Variants in CPED1 observed in about 807,000 individuals in gnomAD.
CPED1 encodes the protein cadherin-like and PC-esterase domain-containing protein 1.
Under a neutral mutation model 128.2 loss-of-function variants are expected in CPED1, and 114 were observed. The observed-to-expected ratio is 0.89, with a 90% confidence interval of 0.76 to 1.04. CPED1 has a LOEUF of 1.04. Among genes scored for constraint, CPED1 ranks in the 50% least tolerant of loss-of-function variants. CPED1 has a pLI of 0.00. For missense variants in CPED1, 1,211 were observed against 1,207.1 expected (o/e 1.00, Z -0.05); for synonymous variants, 462 against 426.7 (o/e 1.08, Z -1.02).
At chr7:121,133,293 A>G (rs1016753816) in intron 12 of CPED1, among the ~76,000 whole-genome samples, 8 of 152,120 alleles carry the variant, frequency 5.3e-5, no homozygotes, top group Non-Finnish European at 1.0e-4. Flanking sequence ...AGTTAGTTAT[A>G]CAACAGAGAA....
intron 3 of CPED1, among the ~76,000 whole-genome samples, chr7:121,024,058 T>A (rs1792506971): frequency 6.6e-6 from 1 of 152,142 alleles, no homozygotes; most frequent in African/African-American, 2.4e-5. Flanking sequence ...ACTGCACTAT[T>A]CTATTTTACT....
At chr7:121,130,383 G>A (rs34320754) in intron 12 of CPED1, 89 bp downstream of exon 12, 386,861 of 1,062,612 alleles carry the variant, frequency 0.36, 73,278 homozygotes, top group Middle Eastern at 0.46. Context: ...GTTAAAGCAA[G>A]CAGCAACAAC....
chr7:121,063,856 TGAA>T (rs1250082525), intron 4 of CPED1, among the ~76,000 whole-genome samples: 1 of 152,178 alleles, frequency 6.6e-6, no homozygotes, highest in Admixed American at 6.5e-5. Context: ...CAGTATGAAG[TGAA>T]GAATGTTTAT....
At chr7:121,031,794 A>G (rs949332330) in intron 3 of CPED1, among the ~76,000 whole-genome samples, 22 of 152,364 alleles carry the variant, frequency 1.4e-4, no homozygotes, top group Middle Eastern at 3.4e-3. Context: ...TATTGACTAA[A>G]TACATTTAAA....
chr7:121,024,409 G>T (rs1792517406), intron 3 of CPED1, among the ~76,000 whole-genome samples: 1 of 152,102 alleles, frequency 6.6e-6, no homozygotes, highest in South Asian at 2.1e-4. Flanking sequence ...CCTTAAATGG[G>T]TTAGCTCTTA....
At chr7:121,114,803 T>TTGGG (rs1430155448) in intron 7 of CPED1, among the ~76,000 whole-genome samples, 2 of 152,238 alleles carry the variant, frequency 1.3e-5, no homozygotes, top group Admixed American at 6.5e-5. Flanking sequence ...AGTTTAAGAA[T>TTGGG]TGGGTGTATC....
chr7:121,147,982 C>T (rs1584547679), intron 16 of CPED1, among the ~76,000 whole-genome samples: 1 of 151,956 alleles, frequency 6.6e-6, no homozygotes, highest in Non-Finnish European at 1.5e-5. Context: ...CTTCCAACAC[C>T]ATAGAGGGCT....
chr7:121,033,451 T>G (rs1792789969), intron 3 of CPED1, among the ~76,000 whole-genome samples: 1 of 152,174 alleles, frequency 6.6e-6, no homozygotes. Flanking sequence ...AGCTATTCAC[T>G]AAATAAACAC....
At chr7:121,178,099 G>A (rs939635333) in intron 16 of CPED1, among the ~76,000 whole-genome samples, 11 of 152,048 alleles carry the variant, frequency 7.2e-5, no homozygotes, top group Non-Finnish European at 1.3e-4. Context: ...AAGAGATTGA[G>A]GACCTAGTAG....
chr7:121,243,002 A>G (rs1164986992), intron 17 of CPED1, among the ~76,000 whole-genome samples: 1 of 152,154 alleles, frequency 6.6e-6, no homozygotes, highest in Non-Finnish European at 1.5e-5. Context: ...AATGCACTAT[A>G]TTCATCTCCT....
chr7:121,187,632 A>G (rs1797034045), intron 16 of CPED1, among the ~76,000 whole-genome samples: 1 of 152,154 alleles, frequency 6.6e-6, no homozygotes, highest in Non-Finnish European at 1.5e-5. Context: ...AGCAGTAAAC[A>G]CACAAGAGCA....
chr7:121,035,472 G>A (rs866184629), intron 3 of CPED1, among the ~76,000 whole-genome samples: 1 of 152,250 alleles, frequency 6.6e-6, no homozygotes, highest in African/African-American at 2.4e-5. Context: ...AAGGAGATGT[G>A]AGTACCAGTT....
In CPED1 at chr7:121,047,691, CTTCTTCTTCTTCTTCTTCTTCTTCTTTTT is replaced by C. The variant is rs1323024510; in HGVS notation, c.540+701_540+729del. Among the ~76,000 whole-genome samples the C allele has an allele frequency of 7.5e-3, 128 of 17,170 alleles. 3 individuals carry two copies. Among genetic ancestry groups the C allele is most frequent in the African/African-American group, 0.02 (127 of 6,330 alleles). 11.3% of individuals were successfully genotyped at this position (17,170 alleles called of 152,430 possible). On this transcript the variant is annotated intron_variant, in intron 4 of 22. Coordinates refer to ENST00000310396, the MANE Select transcript of CPED1 (RefSeq NM_024913.5). ...TCTTCTTCTTCTTCTTCTTCTTCTT[CTTCTTCTTCTTCTTCTTCTTCTTCTTTTT>C]TTTTTTTTGAGACGTAATCTTGCTC...
chr7:121,060,914 C>A (rs1793649842), intron 4 of CPED1, among the ~76,000 whole-genome samples: 1 of 152,220 alleles, frequency 6.6e-6, no homozygotes, highest in Non-Finnish European at 1.5e-5. Context: ...TCTGCAGCTT[C>A]ACTCCTGAAG....
intron 3 of CPED1, among the ~76,000 whole-genome samples, chr7:121,044,699 G>A (rs1793149695): frequency 1.1e-5 from 1 of 89,496 alleles, no homozygotes; most frequent in African/African-American, 3.7e-5. Context: ...TGAGTACAAT[G>A]TTCTGTTCAC....
At chr7:121,211,431 C>T (rs899294120) in intron 16 of CPED1, among the ~76,000 whole-genome samples, 1 of 152,066 alleles carries the variant, frequency 6.6e-6, no homozygotes, top group Non-Finnish European at 1.5e-5. Flanking sequence ...AAAGATAAAG[C>T]AGAAGAGCCA....
intron 7 of CPED1, among the ~76,000 whole-genome samples, chr7:121,119,238 T>TA (rs1491261721): frequency 2.8e-3 from 19 of 6,720 alleles, no homozygotes; most frequent in Non-Finnish European, 6.1e-3. Context: ...AAAAAAGATA[T>TA]TTTTTTTTTT....
chr7:121,161,988 T>G (rs1436169910), intron 16 of CPED1, among the ~76,000 whole-genome samples: 1 of 152,234 alleles, frequency 6.6e-6, no homozygotes, highest in African/African-American at 2.4e-5. Flanking sequence ...GAGCAGTCTC[T>G]TGTAGTAAAT....
chr7:121,070,263 A>T (rs552079936), intron 5 of CPED1, among the ~76,000 whole-genome samples: 2 of 151,586 alleles, frequency 1.3e-5, no homozygotes, highest in Non-Finnish European at 2.9e-5. Context: ...GGTGGCACTG[A>T]TGATTACTCT....
Sources: allele counts gnomAD v4.1 joint callset (sites outside exome capture counted in the v4.1 genomes callset), GRCh38; gene constraint gnomAD v4.1.1; transcripts MANE v1.5; gene names NCBI Gene and HGNC (gene_info 2026-07-23, HGNC 2026-07-21).